SEMA5A: variants seen among roughly 807,000 people sequenced by gnomAD.
SEMA5A encodes the protein semaphorin-5A.
SEMA5A carries 55 observed loss-of-function variants against 135.5 expected under a neutral mutation model. The ratio of observed to expected loss-of-function variants is 0.41; its 90% confidence interval spans 0.33 to 0.51. The LOEUF (loss-of-function observed/expected upper bound fraction) is 0.51. Ranked by LOEUF, SEMA5A falls within the 20% of genes least tolerant of loss-of-function variation. The pLI is 0.37. For synonymous variants in SEMA5A, 580 were observed against 546.5 expected (o/e 1.06, Z -0.85); for missense variants, 1,290 against 1,419.9 (o/e 0.91, Z 1.47).
At chr5:9,341,494 G>C (rs1475624948) in intron 3 of SEMA5A, among the ~76,000 whole-genome samples, 1 of 151,862 alleles carries the variant, frequency 6.6e-6, no homozygotes, top group African/African-American at 2.4e-5. Flanking sequence ...GGGGTCCACA[G>C]CAAGTGGTGA....
At chr5:9,174,432 G>A (rs1247146354) in intron 11 of SEMA5A, among the ~76,000 whole-genome samples, 1 of 152,178 alleles carries the variant, frequency 6.6e-6, no homozygotes, top group Non-Finnish European at 1.5e-5. Flanking sequence ...TTGAAAAGAT[G>A]TGGTGAGGTA....
At chr5:9,201,885 G>A (rs1745725886) in intron 9 of SEMA5A, 70 bp downstream of exon 9, 9 of 1,429,840 alleles carry the variant, frequency 6.3e-6, no homozygotes, top group Middle Eastern at 2.0e-4. Context: ...AAACCTCAGA[G>A]GTCAAAGAAC....
intron 19 of SEMA5A, chr5:9,053,679 G>A (rs868558388): frequency 1.3e-4 from 21 of 156,256 alleles, no homozygotes; most frequent in Middle Eastern, 1.0e-3. Context: ...AAAAATGTTC[G>A]TTCTTTCCCA....
At chr5:9,136,686 A>G in intron 12 of SEMA5A, 65 bp from the exon 13 acceptor site, 1 of 1,301,974 alleles carries the variant, frequency 7.7e-7, no homozygotes. Flanking sequence ...ACACAAGACA[A>G]GGCGAACCTG....
At chr5:9,134,076 G>T (rs1741592519) in intron 13 of SEMA5A, among the ~76,000 whole-genome samples, 1 of 152,074 alleles carries the variant, frequency 6.6e-6, no homozygotes, top group Non-Finnish European at 1.5e-5. Flanking sequence ...TTCACTTTCT[G>T]CCATGATTGT....
chr5:9,347,470 C>T (rs1753926289), intron 3 of SEMA5A, among the ~76,000 whole-genome samples: 1 of 152,144 alleles, frequency 6.6e-6, no homozygotes, highest in African/African-American at 2.4e-5. Context: ...GTGATAGCTC[C>T]TTTTTACTCG....
At chr5:9,384,645 TAGATAGATAGATAGATATAGATAGATAG>T (rs1561208094) in intron 2 of SEMA5A, among the ~76,000 whole-genome samples, 7 of 99,310 alleles carry the variant, frequency 7.0e-5, no homozygotes, top group East Asian at 2.6e-4. Context: ...GATAGATAGA[TAGATAGATAGATAGATATAGATAGATAG>T]ATATAGATAG....
At chr5:9,361,125 G>T (rs372537738) in intron 3 of SEMA5A, among the ~76,000 whole-genome samples, 1 of 151,822 alleles carries the variant, frequency 6.6e-6, no homozygotes, top group Non-Finnish European at 1.5e-5. Flanking sequence ...ATGGTAAAAC[G>T]CTGTCTCTAC....
chr5:9,485,284 C>T (rs268517), intron 1 of SEMA5A, among the ~76,000 whole-genome samples: 146,827 of 151,910 alleles, frequency 0.97, 71,219 homozygotes, highest in Non-Finnish European at 0.99. Context: ...ATGTGTTTAA[C>T]GAGAAATTTC....
In SEMA5A at chr5:9,038,083, C is replaced by T. The variant is rs1040676821; in HGVS notation, c.*4814G>A. 5 of 152,144 alleles carry T rather than the reference C, an allele frequency of 3.3e-5. No individual in the cohort carries two copies. Among genetic ancestry groups the T allele is most frequent in the African/African-American group, 1.2e-4 (5 of 41,432 alleles). The allele number at this position is 152,144 out of a possible 1,614,324, so 9.4% of individuals were successfully genotyped here. On this transcript the variant is annotated 3_prime_UTR_variant, in exon 23 of 23. Coordinates refer to ENST00000382496, the MANE Select transcript of SEMA5A (RefSeq NM_003966.3). Reference sequence around the variant, plus strand: ...TAATCAAATATTGGTAACGTTGTGTCAACATGCTTCCCCAAGTGCATCAGG... The same window carrying T: ...TAATCAAATATTGGTAACGTTGTGTTAACATGCTTCCCCAAGTGCATCAGG...
At chr5:9,190,846 T>G (rs929545838) in intron 10 of SEMA5A, among the ~76,000 whole-genome samples, 1 of 152,206 alleles carries the variant, frequency 6.6e-6, no homozygotes, top group Non-Finnish European at 1.5e-5. Flanking sequence ...ACAAATTAGG[T>G]AGCAAATTGA....
chr5:9,057,033 C>A (rs1736930602), intron 18 of SEMA5A, among the ~76,000 whole-genome samples: 1 of 152,178 alleles, frequency 6.6e-6, no homozygotes, highest in African/African-American at 2.4e-5. Context: ...CACTGAAAGA[C>A]AAATAATACA....
chr5:9,243,295 A>G (rs1482722035), intron 5 of SEMA5A, among the ~76,000 whole-genome samples: 1 of 151,926 alleles, frequency 6.6e-6, no homozygotes, highest in Non-Finnish European at 1.5e-5. Context: ...CATCACTGGA[A>G]CCTCTGCCTC....
chr5:9,541,318 CATAAA>C (rs1738074585), intron 1 of SEMA5A, among the ~76,000 whole-genome samples: 1 of 152,118 alleles, frequency 6.6e-6, no homozygotes, highest in African/African-American at 2.4e-5. Context: ...AAAAATGTAA[CATAAA>C]ATAACATTTT....
Position 9,198,728 on chromosome 5 carries a change from G to A in SEMA5A, c.933-1425C>T, listed in dbSNP as rs141657936. Among the ~76,000 whole-genome samples the A allele has an allele frequency of 2.2e-4, 33 of 152,282 alleles. No homozygotes were observed. The East Asian group carries it at 3.9e-3, about 18-fold the overall frequency. On this transcript the variant is annotated intron_variant, in intron 9 of 22. Coordinates refer to ENST00000382496, the MANE Select transcript of SEMA5A (RefSeq NM_003966.3). ...ACTCTTCATTATCCTTAGAGAGAAT[G>A]GGAGAAGTTAAAACACAAGTACAGG... is the stretch of plus-strand genomic sequence containing the variant.
intron 16 of SEMA5A, among the ~76,000 whole-genome samples, chr5:9,094,851 G>T (rs1331502991): frequency 6.6e-6 from 1 of 152,140 alleles, no homozygotes; most frequent in Admixed American, 6.5e-5. Flanking sequence ...ACTTTCTCAT[G>T]CAGCACGGCT....
chr5:9,530,948 C>G lies in SEMA5A; in HGVS notation c.-175+14636G>C, dbSNP rs1246444457. Among the ~76,000 whole-genome samples the G allele has an allele frequency of 3.3e-5, 5 of 152,344 alleles. No homozygotes were observed. The South Asian group carries it at 6.2e-4, about 19-fold the overall frequency. ...TAAGCAGCTTCATTACCTGACTGCT[C>G]TAGCTCCAAGTACCCTCTTCACATC... On this transcript the variant is annotated intron_variant, in intron 1 of 22. Transcript: ENST00000382496.
Position 9,384,655 on chromosome 5 carries a change from GATAGAT to G in SEMA5A, c.-77-4638_-77-4633del, listed in dbSNP as rs1392338489. Among the ~76,000 whole-genome samples the G allele has an allele frequency of 1.5e-4, 18 of 116,410 alleles. 2 individuals are homozygous for G. Among genetic ancestry groups the G allele is most frequent in the East Asian group, 7.4e-4 (3 of 4,074 alleles). The allele number at this position is 116,410 out of a possible 152,430, so 76.4% of individuals were successfully genotyped here. A position where few individuals can be genotyped will look rare whatever the true frequency, so the allele number is the denominator to read the frequency against. ...AGATAGATAGATAGATAGATAGATAGATAGATATAGATAGATAGATATAGATAGATA... is the reference window on the plus strand; with the variant it reads ...AGATAGATAGATAGATAGATAGATAGATAGATAGATAGATATAGATAGATA... On this transcript the variant is annotated intron_variant, in intron 2 of 22. Transcript: ENST00000382496.
intron 5 of SEMA5A, among the ~76,000 whole-genome samples, chr5:9,243,920 G>A (rs776176417): frequency 5.3e-5 from 8 of 152,106 alleles, no homozygotes; most frequent in Non-Finnish European, 1.2e-4. Flanking sequence ...ATACATATCT[G>A]AAGCAGAGAA....
Sources: allele counts gnomAD v4.1 joint callset (sites outside exome capture counted in the v4.1 genomes callset), GRCh38; gene constraint gnomAD v4.1.1; transcripts MANE v1.5; gene names NCBI Gene and HGNC (gene_info 2026-07-23, HGNC 2026-07-21).